Variants in UGGT2 observed in about 807,000 individuals in gnomAD.
UGGT2 encodes UDP-glucose:glycoprotein glucosyltransferase 2.
Under a neutral mutation model 192.1 loss-of-function variants are expected in UGGT2, and 180 were observed. The observed-to-expected ratio is 0.94, with a 90% CI of 0.83 to 1.06. UGGT2 has a LOEUF of 1.06. Ranked by LOEUF, UGGT2 falls within the 50% of genes least tolerant of loss-of-function variation. The probability of loss-of-function intolerance (pLI) is 0.00; values close to 1 mark genes in which losing one functional copy is unlikely to be tolerated. For missense variants in UGGT2, 1,849 were observed against 1,795.7 expected, an observed-to-expected ratio of 1.03 and a Z score of -0.54; for synonymous variants, 580 against 591.0, an observed-to-expected ratio of 0.98 and a Z score of 0.27.
intron 17 of UGGT2, 83 bp downstream of exon 17, chr13:95,936,841 A>T: frequency 8.0e-7 from 1 of 1,255,782 alleles, no homozygotes; most frequent in Non-Finnish European, 1.1e-6. Context: ...TTACCAAATC[A>T]ACTTCTGTCA....
chr13:96,045,314 T>G (rs945936270), intron 1 of UGGT2, among the ~76,000 whole-genome samples: 8 of 151,962 alleles, frequency 5.3e-5, no homozygotes, highest in Admixed American at 5.2e-4. Context: ...CTCAACAAAA[T>G]CGGCATACAA....
intron 36 of UGGT2, among the ~76,000 whole-genome samples, chr13:95,843,625 A>G (rs927200297): frequency 1.6e-4 from 25 of 152,140 alleles, no homozygotes; most frequent in South Asian, 8.3e-4. Flanking sequence ...ATGTGTTTGG[A>G]ATTAATTTTT....
At chr13:95,915,839 G>T (rs964263924) in intron 20 of UGGT2, among the ~76,000 whole-genome samples, 4 of 152,130 alleles carry the variant, frequency 2.6e-5, no homozygotes, top group Admixed American at 6.5e-5. Context: ...CACTGGGGAG[G>T]ACCTCCCTGC....
chr13:96,021,290 G>T (rs925049664), intron 4 of UGGT2, among the ~76,000 whole-genome samples: 1 of 152,106 alleles, frequency 6.6e-6, no homozygotes, highest in Non-Finnish European at 1.5e-5. Context: ...CTAATAGTTT[G>T]ATGTTAATTT....
chr13:96,046,877 C>G (rs555591787), intron 1 of UGGT2, among the ~76,000 whole-genome samples: 3 of 152,272 alleles, frequency 2.0e-5, no homozygotes, highest in South Asian at 4.2e-4. Flanking sequence ...ATTGCTAGCA[C>G]AGCAGTCTGA....
At chr13:95,839,808 T>C (rs1278907892) in intron 36 of UGGT2, among the ~76,000 whole-genome samples, 2 of 152,202 alleles carry the variant, frequency 1.3e-5, no homozygotes, top group South Asian at 2.1e-4. Flanking sequence ...TTATTGTCAA[T>C]CTTTTTTATT....
intron 38 of UGGT2, chr13:95,832,694 T>C (rs1190687968): frequency 1.7e-6 from 1 of 601,982 alleles, no homozygotes; most frequent in Admixed American, 1.9e-5. Context: ...AATGTTACAC[T>C]ATCTATCCAT....
rs139927560 is a variant in UGGT2, at chr13:96,023,625, G to T, written c.372+4C>A. Reference sequence around the variant, plus strand: ...TCAAATACAGATTGGGTATTTTTACGCACCTGCTGAAACATCTGAATAGCT... The same window carrying T: ...TCAAATACAGATTGGGTATTTTTACTCACCTGCTGAAACATCTGAATAGCT... On this transcript the variant is annotated splice_donor_region_variant and intron_variant, in intron 3 of 38. Transcript: ENST00000376747. The T allele has an allele frequency of 6.2e-6, 10 of 1,600,710 alleles. No individual in the cohort carries two copies. The highest frequency in any genetic ancestry group is 7.7e-6 in the Non-Finnish European group (9 of 1,172,994).
chr13:95,859,518 T>C, intron 33 of UGGT2, 73 bp downstream of exon 33: 7 of 1,211,448 alleles, frequency 5.8e-6, no homozygotes, highest in Non-Finnish European at 8.2e-6. Flanking sequence ...AGAAATATCA[T>C]ATAAACTTAC....
chr13:95,976,041 G>A (rs1354558818), intron 10 of UGGT2, among the ~76,000 whole-genome samples: 7 of 152,000 alleles, frequency 4.6e-5, no homozygotes, highest in African/African-American at 1.7e-4. Context: ...TTATGCTAAT[G>A]AATAGATCTT....
intron 12 of UGGT2, among the ~76,000 whole-genome samples, chr13:95,963,164 T>A (rs1226012534): frequency 6.6e-6 from 1 of 152,024 alleles, no homozygotes; most frequent in African/African-American, 2.4e-5. Flanking sequence ...AACAAAATAC[T>A]AGTAAGCCAA....
intron 12 of UGGT2, among the ~76,000 whole-genome samples, chr13:95,965,937 G>A (rs1443340518): frequency 1.3e-5 from 2 of 152,090 alleles, no homozygotes; most frequent in Non-Finnish European, 2.9e-5. Flanking sequence ...CTTATAGATA[G>A]TTGCTGGGAA....
At chr13:95,856,452 T>C in intron 33 of UGGT2, 112 bp from the exon 34 acceptor site, 1 of 1,047,350 alleles carries the variant, frequency 9.5e-7, no homozygotes, top group Non-Finnish European at 1.4e-6. Context: ...TATAAACTAA[T>C]AGGCAAGATG....
At chr13:96,019,251 T>G (rs1338027525) in intron 4 of UGGT2, among the ~76,000 whole-genome samples, 1 of 151,846 alleles carries the variant, frequency 6.6e-6, no homozygotes, top group African/African-American at 2.4e-5. Flanking sequence ...TCAAAGAGCT[T>G]GATTACTTGT....
At chr13:95,852,634 A>G (rs1889164006) in intron 36 of UGGT2, among the ~76,000 whole-genome samples, 1 of 152,218 alleles carries the variant, frequency 6.6e-6, no homozygotes, top group Non-Finnish European at 1.5e-5. Flanking sequence ...GAATGAATGA[A>G]CATGCATGGT....
At chr13:95,923,914 G>A (rs976966032) in intron 20 of UGGT2, among the ~76,000 whole-genome samples, 5 of 152,126 alleles carry the variant, frequency 3.3e-5, no homozygotes, top group African/African-American at 9.6e-5. Flanking sequence ...ATGTACTTCC[G>A]ATTTTCTATA....
At chr13:95,816,913 G>A (rs930523594) in intron 38 of UGGT2, among the ~76,000 whole-genome samples, 1 of 152,286 alleles carries the variant, frequency 6.6e-6, no homozygotes, top group Admixed American at 6.5e-5. Context: ...GATCACTTGA[G>A]GTCAGGAGTT....
chr13:95,946,882 C>G (rs955409508), intron 15 of UGGT2, among the ~76,000 whole-genome samples, 155 bp downstream of exon 15: 1 of 152,114 alleles, frequency 6.6e-6, no homozygotes, highest in Non-Finnish European at 1.5e-5. Context: ...TTACAGAAAA[C>G]AAATTCATCA....
At chr13:95,913,358 C>G (rs1391686867) in intron 20 of UGGT2, among the ~76,000 whole-genome samples, 1 of 152,116 alleles carries the variant, frequency 6.6e-6, no homozygotes, top group East Asian at 1.9e-4. Context: ...GGGCTAATAT[C>G]CAGAATCTAC....
Sources: gnomAD v4.1 joint callset for allele counts (sites outside exome capture counted in the v4.1 genomes callset) on GRCh38, gnomAD v4.1.1 for gene constraint, MANE v1.5 for transcripts, NCBI Gene and HGNC (gene_info 2026-07-23, HGNC 2026-07-21) for gene names.